Variants in TRAK1 observed in about 807,000 individuals in gnomAD.
The protein encoded by TRAK1 is trafficking kinesin-binding protein 1.
In TRAK1, 33 loss-of-function variants were observed where a neutral mutation model predicts 92.1. That is an observed-to-expected ratio of 0.36 (90% CI 0.27 to 0.48). TRAK1 has a LOEUF of 0.48. Ranked by LOEUF, TRAK1 falls within the 20% of genes least tolerant of loss-of-function variation. The pLI is 0.99. For missense variants in TRAK1, 1,123 were observed against 1,257.9 expected (o/e 0.89, Z 1.62); for synonymous variants, 521 against 517.3 (o/e 1.01, Z -0.10).
chr3:42,110,132 A>ATATATAT (rs58099544), intron 1 of TRAK1, among the ~76,000 whole-genome samples: 135 of 128,064 alleles, frequency 1.1e-3, no homozygotes, highest in African/African-American at 1.7e-3. Flanking sequence ...ATATATATAT[A>ATATATAT]AACTTTGTGT....
chr3:42,110,896 T>G (rs1276612632), intron 1 of TRAK1, among the ~76,000 whole-genome samples: 1 of 152,130 alleles, frequency 6.6e-6, no homozygotes, highest in Admixed American at 6.5e-5. Context: ...TCCTGCAGCA[T>G]TTATTCAGTG....
chr3:42,201,091 G>C, intron 12 of TRAK1, 37 bp downstream of exon 12: 1 of 1,592,000 alleles, frequency 6.3e-7, no homozygotes, highest in South Asian at 1.1e-5. Context: ...TCTGTTTTGG[G>C]GTGAGGAGTG....
intron 1 of TRAK1, among the ~76,000 whole-genome samples, chr3:42,121,763 G>A (rs1237799150): frequency 6.6e-6 from 1 of 152,136 alleles, no homozygotes; most frequent in East Asian, 1.9e-4. Context: ...TAAAGCATCT[G>A]AAAATTTGCT....
intron 1 of TRAK1, among the ~76,000 whole-genome samples, chr3:42,074,122 G>T (rs753083304): frequency 6.6e-6 from 1 of 152,168 alleles, no homozygotes; most frequent in Non-Finnish European, 1.5e-5. Flanking sequence ...GTGTTACTTA[G>T]AGCCATCATA....
intron 1 of TRAK1, among the ~76,000 whole-genome samples, chr3:42,020,893 A>ATAG (rs1701697869): frequency 6.6e-6 from 1 of 152,214 alleles, no homozygotes; most frequent in Admixed American, 6.5e-5. Flanking sequence ...TAAGACAGTT[A>ATAG]TAGTATCAAG....
intron 1 of TRAK1, among the ~76,000 whole-genome samples, chr3:42,050,164 T>C (rs1702922182): frequency 7.1e-6 from 1 of 141,222 alleles, no homozygotes; most frequent in African/African-American, 2.6e-5. Flanking sequence ...GTCAGTCGAG[T>C]TGGGGAAGGG....
At position 42,092,763 on chromosome 3, in the gene TRAK1, G is replaced by GTCATA. The variant is rs1553713015; in HGVS notation, c.91+1204_91+1205insCATAT. On this transcript the variant is annotated intron_variant, in intron 1 of 15. Coordinates refer to ENST00000327628, the MANE Select transcript of TRAK1 (RefSeq NM_001042646.3). ...GTTATGTTATGTTATGTTATGTTAT[G>GTCATA]TTATGTTATTTCGTGACTCACTGTA... Among the ~76,000 whole-genome samples the GTCATA allele has an allele frequency of 4.7e-4, 70 of 147,838 alleles. No individual in the cohort carries two copies. In the Admixed American group the frequency reaches 4.8e-3, roughly 10 times the overall value.
chr3:42,216,740 T>C (rs1401732549), intron 14 of TRAK1, among the ~76,000 whole-genome samples: 2 of 152,222 alleles, frequency 1.3e-5, no homozygotes, highest in African/African-American at 2.4e-5. Context: ...TTTTTATTGG[T>C]AAATCCAAAT....
rs184338626 is a variant in TRAK1 at position 42,222,338 on chromosome 3, G to A, written c.2067-604G>A. On this transcript the variant is annotated intron_variant, in intron 15 of 15. Transcript: ENST00000327628. ...TAAAGAGGGTTAAGGGCAGCACGGT[G>A]CAGAGGAAAGGGCTCTGCACCCAGG... Among the ~76,000 whole-genome samples, 10 of 152,294 alleles carry A rather than the reference G, an allele frequency of 6.6e-5. No individual in the cohort carries two copies. In the East Asian group the frequency reaches 1.5e-3, roughly 24 times the overall value.
At chr3:42,140,525 G>T (rs1698515018) in intron 2 of TRAK1, among the ~76,000 whole-genome samples, 1 of 152,152 alleles carries the variant, frequency 6.6e-6, no homozygotes, top group Non-Finnish European at 1.5e-5. Context: ...TACTCGGGAG[G>T]GTGAGGCAGG....
intron 1 of TRAK1, among the ~76,000 whole-genome samples, chr3:42,054,329 C>T (rs1703106898): frequency 6.6e-6 from 1 of 152,184 alleles, no homozygotes; most frequent in African/African-American, 2.4e-5. Context: ...GCTGTCCTTC[C>T]TCATCTGGTG....
At chr3:42,140,444 T>A (rs1452800124) in intron 2 of TRAK1, among the ~76,000 whole-genome samples, 1 of 152,124 alleles carries the variant, frequency 6.6e-6, no homozygotes, top group Non-Finnish European at 1.5e-5. Context: ...TCTGGCTCGA[T>A]GGTGAAACCC....
intron 1 of TRAK1, among the ~76,000 whole-genome samples, chr3:42,021,800 T>C (rs1701730134): frequency 6.6e-6 from 1 of 152,148 alleles, no homozygotes; most frequent in Non-Finnish European, 1.5e-5. Flanking sequence ...GGTCTCGAAC[T>C]CCTGGTCAGT....
intron 2 of TRAK1, among the ~76,000 whole-genome samples, chr3:42,164,389 T>C (rs1265193345): frequency 6.6e-6 from 1 of 152,242 alleles, no homozygotes; most frequent in Non-Finnish European, 1.5e-5. Flanking sequence ...ATAGGCACTT[T>C]CTCATGTCAC....
At chr3:42,016,653 C>T (rs771283999) in intron 1 of TRAK1, among the ~76,000 whole-genome samples, 8 of 152,186 alleles carry the variant, frequency 5.3e-5, no homozygotes, top group South Asian at 2.1e-4. Flanking sequence ...TTCTCCTCTC[C>T]GTCAGCTGTC....
intron 3 of TRAK1, among the ~76,000 whole-genome samples, chr3:42,183,568 A>AAAAAAAAAAAAAG (rs1553751625): frequency 4.1e-5 from 6 of 145,306 alleles, no homozygotes; most frequent in South Asian, 2.2e-4. Flanking sequence ...AAAAAAAAAA[A>AAAAAAAAAAAAAG]AAAGAAAGAA....
intron 1 of TRAK1, among the ~76,000 whole-genome samples, chr3:42,120,097 C>T (rs1315515112): frequency 2.0e-5 from 3 of 152,114 alleles, no homozygotes; most frequent in Non-Finnish European, 4.4e-5. Flanking sequence ...ATGGCACCAG[C>T]CACAATGTGG....
intron 7 of TRAK1, among the ~76,000 whole-genome samples, chr3:42,192,800 C>T (rs575361293): frequency 6.6e-6 from 1 of 152,234 alleles, no homozygotes; most frequent in South Asian, 2.1e-4. Flanking sequence ...GGGGAGACAG[C>T]CTTGGTTGGT....
At chr3:42,074,501 C>A (rs1475292964) in intron 1 of TRAK1, among the ~76,000 whole-genome samples, 2 of 152,136 alleles carry the variant, frequency 1.3e-5, no homozygotes, top group Non-Finnish European at 2.9e-5. Flanking sequence ...AGCGAGCTGG[C>A]CACAGATGAG....
Sources: allele counts gnomAD v4.1 joint callset (sites outside exome capture counted in the v4.1 genomes callset), GRCh38; gene constraint gnomAD v4.1.1; transcripts MANE v1.5; gene names NCBI Gene and HGNC (gene_info 2026-07-23, HGNC 2026-07-21).